C10orf88: variants seen among roughly 807,000 people sequenced by gnomAD.
The protein encoded by C10orf88 is ATPase PAAT.
In C10orf88, 29 loss-of-function variants were observed where a neutral mutation model predicts 34.2. The observed-to-expected ratio is 0.85, with a 90% CI of 0.63 to 1.16. The LOEUF is 1.16. C10orf88 is among the 50% of genes most tolerant of loss of function. C10orf88 has a pLI of 0.00. For missense variants in C10orf88, 507 were observed against 533.2 expected (o/e 0.95, Z 0.48); for synonymous variants, 194 against 197.4 (o/e 0.98, Z 0.15).
In C10orf88 at chr10:122,948,822, T is replaced by G; in HGVS notation, c.475A>C (p.Ile159Leu). The change falls in exon 4 of 6, where the codon ATC becomes CTC. Residue 159 changes from isoleucine (I) to leucine (L), a missense_variant. Physicochemically the swap from Ile to Leu is conservative, Grantham distance 5 (BLOSUM62 2). Coordinates refer to ENST00000481909, the MANE Select transcript of C10orf88 (RefSeq NM_024942.4). ...CTCATGTGTACCACAACTTTACTGATGAACACACACTGCCTTTCGCCAAAG... is the reference window on the plus strand; with the variant it reads ...CTCATGTGTACCACAACTTTACTGAGGAACACACACTGCCTTTCGCCAAAG... ...LSFGERQCVF[I>L]SKVVVHMRSV... The G allele has an allele frequency of 6.2e-7, 1 of 1,613,356 alleles. No individual in the cohort carries two copies. Among genetic ancestry groups the G allele is most frequent in the Non-Finnish European group, 8.5e-7 (1 of 1,179,864 alleles).
chr10:122,941,536 G>A (rs1254700144), intron 4 of C10orf88, among the ~76,000 whole-genome samples: 1 of 152,060 alleles, frequency 6.6e-6, no homozygotes, highest in South Asian at 2.1e-4. Context: ...TTACACGGAA[G>A]GAGTTGATTT....
chr10:122,948,984 A>T, intron 3 of C10orf88, 129 bp from the exon 4 acceptor site: 1 of 830,810 alleles, frequency 1.2e-6, no homozygotes, highest in Non-Finnish European at 1.8e-6. Flanking sequence ...AGTATATTTT[A>T]AACTTTTCTC....
rs571869955 is a variant in C10orf88 at position 122,937,987 on chromosome 10, G to A, written c.821C>T (p.Thr274Ile). ...CAGTTGTGTACTTTTATCAATGTAA[G>A]TTTGTAAGTTTTCAGTCACGTTCCC... ...TSGNVTENLQTYIDKSTQLPG... is the reference protein window; with the variant it reads ...TSGNVTENLQIYIDKSTQLPG... Residue 274 changes from threonine to isoleucine, a missense_variant, in exon 5 of 6, where the codon ACT becomes ATT. By Grantham distance (89) the Thr-to-Ile change is moderately conservative. Transcript: ENST00000481909. 1 of 1,613,360 alleles carries A rather than the reference G, an allele frequency of 6.2e-7. No individual in the cohort carries two copies. The highest frequency in any genetic ancestry group is 1.1e-5 in the South Asian group (1 of 91,062).
At position 122,954,057 on chromosome 10, in the gene C10orf88, C is replaced by G; in HGVS notation, c.122G>C (p.Gly41Ala). ...LLLTRAGLGPGDFDWEELLAP... is the reference protein window; with the variant it reads ...LLLTRAGLGPADFDWEELLAP... Reference sequence around the variant, plus strand: ...CAGCAGCTCCTCCCAGTCGAAGTCACCGGGGCCGAGACCGGCCCGGGTGAG... The same window carrying G: ...CAGCAGCTCCTCCCAGTCGAAGTCAGCGGGGCCGAGACCGGCCCGGGTGAG... Residue 41 changes from glycine to alanine, a missense_variant, in exon 1 of 6, where the codon GGT becomes GCT. Physicochemically the swap from Gly to Ala is moderately conservative, Grantham distance 60. Transcript: ENST00000481909. The G allele has an allele frequency of 6.5e-7, 1 of 1,543,978 alleles. No individual in the cohort carries two copies. Among genetic ancestry groups the G allele is most frequent in the South Asian group, 1.2e-5 (1 of 84,330 alleles).
chr10:122,952,708 T>C (rs1848702043), intron 2 of C10orf88, 121 bp downstream of exon 2: 2 of 1,254,708 alleles, frequency 1.6e-6, no homozygotes, highest in East Asian at 4.8e-5. Context: ...TACTGGCACA[T>C]TTTTATCTTC....
intron 5 of C10orf88, among the ~76,000 whole-genome samples, chr10:122,936,027 T>C (rs901815829): frequency 6.6e-6 from 1 of 151,958 alleles, no homozygotes; most frequent in African/African-American, 2.4e-5. Context: ...TTTAAAAGCA[T>C]GTAAAATTGA....
rs978212512 is a variant in C10orf88, at chr10:122,948,668, A to C, written c.629T>G (p.Met210Arg). 4 of 1,613,768 alleles carry C rather than the reference A, an allele frequency of 2.5e-6. No homozygotes were observed. In the Admixed American group the frequency reaches 5.0e-5, roughly 20 times the overall value. The change falls in exon 4 of 6, where the codon ATG becomes AGG. Residue 210 changes from methionine (M) to arginine (R), a missense_variant. Met to Arg is a moderately conservative substitution (Grantham distance 91, BLOSUM62 -1). Transcript: ENST00000481909. Reference protein sequence around the residue: ...LSPGAQQLMDMVRCQQRNCIP... With the variant: ...LSPGAQQLMDRVRCQQRNCIP... ...ACTTACCCGCTGCTGACACCTAACC[A>C]TATCCATCAACTGCTGAGCTCCAGG...
intron 5 of C10orf88, among the ~76,000 whole-genome samples, chr10:122,936,759 C>T (rs578124795): frequency 1.3e-5 from 2 of 151,950 alleles, no homozygotes; most frequent in Admixed American, 6.6e-5. Flanking sequence ...TTTAAGAATG[C>T]TGTGTAATTC....
chr10:122,948,092 G>T (rs1381549414), intron 4 of C10orf88, among the ~76,000 whole-genome samples: 2 of 152,122 alleles, frequency 1.3e-5, no homozygotes, highest in South Asian at 2.1e-4. Flanking sequence ...TGATCTAGCT[G>T]AAATCTACTT....
chr10:122,942,930 G>A (rs1346537849), intron 4 of C10orf88, among the ~76,000 whole-genome samples: 11 of 145,118 alleles, frequency 7.6e-5, no homozygotes, highest in African/African-American at 2.0e-4. Context: ...AATCAATATC[G>A]TGAAAATGGC....
At chr10:122,942,398 C>T (rs1848593451) in intron 4 of C10orf88, among the ~76,000 whole-genome samples, 1 of 152,132 alleles carries the variant, frequency 6.6e-6, no homozygotes, top group South Asian at 2.1e-4. Flanking sequence ...CTATCTATGA[C>T]AAACCCACAG....
At chr10:122,942,182 GT>G (rs1564721348) in intron 4 of C10orf88, among the ~76,000 whole-genome samples, 1 of 151,990 alleles carries the variant, frequency 6.6e-6, no homozygotes, top group African/African-American at 2.4e-5. Context: ...ACCAAAATTT[GT>G]TCACAAACAA....
At chr10:122,945,318 G>A (rs1848629892) in intron 4 of C10orf88, among the ~76,000 whole-genome samples, 1 of 152,124 alleles carries the variant, frequency 6.6e-6, no homozygotes, top group South Asian at 2.1e-4. Context: ...TATGTATACT[G>A]TATACTACTT....
In C10orf88 at chr10:122,954,008, G is replaced by A. The variant is rs961835347; in HGVS notation, c.164+7C>T. 6 of 1,514,654 alleles carry A rather than the reference G, an allele frequency of 4.0e-6. No individual in the cohort carries two copies. In the African/African-American group the frequency reaches 4.2e-5, roughly 11 times the overall value. The allele number at this position is 1,514,654 out of a possible 1,614,324, so 93.8% of individuals were successfully genotyped here. ...ATAGCGACCCCGTCCCCGTCGGCCC[G>A]GCGCACCCTGGAGCAGGCGGTGCCA... On this transcript the variant is annotated splice_region_variant and intron_variant, in intron 1 of 5. Transcript: ENST00000481909.
intron 3 of C10orf88, among the ~76,000 whole-genome samples, chr10:122,949,328 G>A (rs1223464477): frequency 6.6e-6 from 1 of 152,106 alleles, no homozygotes; most frequent in African/African-American, 2.4e-5. Flanking sequence ...CATAATAAAA[G>A]TTATGTGAAT....
In C10orf88 at chr10:122,954,080, G is replaced by C; in HGVS notation, c.99C>G (p.Leu33=). 1 of 1,567,478 alleles carries C rather than the reference G, an allele frequency of 6.4e-7. No individual in the cohort carries two copies. The highest frequency in any genetic ancestry group is 8.6e-7 in the Non-Finnish European group (1 of 1,159,864). The part of the protein sequence containing the change: ...AGGALTHSLL[L]TRAGLGPGDF... ...CACCGGGGCCGAGACCGGCCCGGGT[G>C]AGGAGGAGGCTGTGGGTCAGGGCCC... Residue 33 remains leucine, a synonymous_variant, in exon 1 of 6, where the codon CTC becomes CTG. Transcript: ENST00000481909.
intron 4 of C10orf88, among the ~76,000 whole-genome samples, chr10:122,945,095 T>C (rs1848627391): frequency 6.6e-6 from 1 of 151,484 alleles, no homozygotes; most frequent in Admixed American, 6.6e-5. Context: ...TATATATGTA[T>C]GTATAGATAG....
At chr10:122,949,645 A>G (rs1220869845) in intron 3 of C10orf88, among the ~76,000 whole-genome samples, 1 of 152,216 alleles carries the variant, frequency 6.6e-6, no homozygotes, top group Non-Finnish European at 1.5e-5. Context: ...TGAATTGTTT[A>G]TTTCTGAAAT....
intron 3 of C10orf88, among the ~76,000 whole-genome samples, chr10:122,951,626 C>T (rs1259599687): frequency 2.6e-5 from 4 of 152,004 alleles, no homozygotes; most frequent in Non-Finnish European, 4.4e-5. Context: ...AAAGTAATTT[C>T]TTTGTACATG....
Sources: allele counts gnomAD v4.1 joint callset (sites outside exome capture counted in the v4.1 genomes callset), GRCh38; gene constraint gnomAD v4.1.1; transcripts MANE v1.5; gene names NCBI Gene and HGNC (gene_info 2026-07-23, HGNC 2026-07-21).